The following CSMD1 variants were observed in gnomAD, a reference collection of about 807,000 sequenced individuals.
CSMD1 encodes the protein CUB and Sushi multiple domains 1, also known as CUB and sushi domain-containing protein 1.
In CSMD1, 213 loss-of-function variants were observed where a neutral mutation model predicts 417.5. The observed-to-expected ratio is 0.51, with a 90% confidence interval of 0.46 to 0.57. The LOEUF (loss-of-function observed/expected upper bound fraction) is 0.57, where lower values mean the gene tolerates loss of function less well. Ranked by LOEUF, CSMD1 falls within the 20% of genes least tolerant of loss-of-function variation. CSMD1 has a pLI of 0.00. For synonymous variants in CSMD1, 2,862 were observed against 1,736.8 expected (o/e 1.65, Z -16.11); for missense variants, 6,923 against 4,529.7 (o/e 1.53, Z -15.17).
intron 6 of CSMD1, among the ~76,000 whole-genome samples, chr8:3,751,370 AAATT>A (rs542281767): frequency 0.012 from 1,750 of 148,288 alleles, 34 homozygotes; most frequent in African/African-American, 0.04. Flanking sequence ...ATCTATATAT[AAATT>A]ATTTATATAT....
intron 2 of CSMD1, among the ~76,000 whole-genome samples, chr8:4,614,715 C>T (rs928921352): frequency 6.6e-6 from 1 of 152,066 alleles, no homozygotes; most frequent in African/African-American, 2.4e-5. Context: ...GGAACGAACA[C>T]TTCCTTAAAA....
At position 3,899,419 on chromosome 8, in the gene CSMD1, G is replaced by A. The variant is rs776411587; in HGVS notation, c.818+98484C>T. On this transcript the variant is annotated intron_variant, in intron 5 of 69. Coordinates refer to ENST00000635120, the MANE Select transcript of CSMD1 (RefSeq NM_033225.6). The stretch of plus-strand genomic sequence containing the variant: ...ATGGGTATGCTGATTACTTCAACAT[G>A]TTGGCCACAGGGATTGTACGTGGGG... Among the ~76,000 whole-genome samples, 5 of 152,200 alleles carry A rather than the reference G, an allele frequency of 3.3e-5. 1 individual carries two copies. The highest frequency in any genetic ancestry group is 6.5e-5 in the Admixed American group (1 of 15,276).
intron 1 of CSMD1, among the ~76,000 whole-genome samples, chr8:4,822,382 C>G (rs913730139): frequency 6.6e-6 from 1 of 151,988 alleles, no homozygotes; most frequent in East Asian, 1.9e-4. Context: ...TTTATTTGAC[C>G]TCAACTGGCC....
intron 1 of CSMD1, among the ~76,000 whole-genome samples, chr8:4,929,479 A>G (rs551471877): frequency 6.6e-6 from 1 of 152,330 alleles, no homozygotes; most frequent in African/African-American, 2.4e-5. Flanking sequence ...AGGGTCGTGA[A>G]AAATGAGATG....
At chr8:3,303,858 G>C (rs772546443) in intron 25 of CSMD1, among the ~76,000 whole-genome samples, 68 of 152,192 alleles carry the variant, frequency 4.5e-4, no homozygotes, top group Non-Finnish European at 6.8e-4. Flanking sequence ...ATTTGGCTCA[G>C]GTAACTGCTC....
intron 6 of CSMD1, among the ~76,000 whole-genome samples, chr8:3,731,976 C>G (rs1225629203): frequency 6.6e-6 from 1 of 152,136 alleles, no homozygotes; most frequent in Non-Finnish European, 1.5e-5. Context: ...CTGAACTCAG[C>G]AGATATTTAA....
At chr8:4,842,416 A>T (rs941185472) in intron 1 of CSMD1, among the ~76,000 whole-genome samples, 2 of 152,238 alleles carry the variant, frequency 1.3e-5, no homozygotes, top group Admixed American at 1.3e-4. Context: ...CTTCAAATGC[A>T]AGCCCAATTA....
At position 4,610,647 on chromosome 8, in the gene CSMD1, TA is replaced by T. The variant is rs1801119653; in HGVS notation, c.302+26694del. 3.3e-5 allele frequency among the ~76,000 whole-genome samples: 5 copies of T among 152,324 alleles called. No individual in the cohort carries two copies. The South Asian group carries it at 1.0e-3, about 32-fold the overall frequency. ...ACACTTAGAAATACCTGATTATAAA[TA>T]GTTGATTTAATTCATCCCATGAATT... On this transcript the variant is annotated intron_variant, in intron 2 of 69. Coordinates refer to ENST00000635120, the MANE Select transcript of CSMD1 (RefSeq NM_033225.6).
chr8:4,169,788 C>A (rs1333868562), intron 3 of CSMD1, among the ~76,000 whole-genome samples: 1 of 152,118 alleles, frequency 6.6e-6, no homozygotes, highest in Admixed American at 6.5e-5. Flanking sequence ...TACCGTTAAA[C>A]GTATCTTCCT....
chr8:4,051,115 G>A (rs576203287), intron 3 of CSMD1, among the ~76,000 whole-genome samples: 20 of 151,288 alleles, frequency 1.3e-4, no homozygotes, highest in Admixed American at 1.2e-3. Flanking sequence ...GGGAGAACCA[G>A]GAAAAAGAAA....
At chr8:3,282,349 G>C (rs62503360) in intron 26 of CSMD1, among the ~76,000 whole-genome samples, 39,621 of 151,678 alleles carry the variant, frequency 0.26, 5,895 homozygotes, top group East Asian at 0.41. Flanking sequence ...CAATCTTACT[G>C]CCAGTGCAAA....
chr8:4,261,857 C>A (rs1312429289), intron 3 of CSMD1, among the ~76,000 whole-genome samples: 5 of 151,712 alleles, frequency 3.3e-5, no homozygotes, highest in Admixed American at 3.3e-4. Context: ...TTCATTATAC[C>A]CTAATGAAAC....
rs183631385 is a variant in CSMD1 at position 3,646,013 on chromosome 8, G to C, written c.1010-29216C>G. Among the ~76,000 whole-genome samples, 281 of 150,988 alleles carry C rather than the reference G, an allele frequency of 1.9e-3. 2 individuals carry two copies. The highest frequency in any genetic ancestry group is 6.6e-3 in the African/African-American group (273 of 41,094). ...TGTATTTATCGCAATTTCTGTTATAGCATTAACAAAAACTAGAAATATTCT... is the reference window on the plus strand; with the variant it reads ...TGTATTTATCGCAATTTCTGTTATACCATTAACAAAAACTAGAAATATTCT... On this transcript the variant is annotated intron_variant, in intron 7 of 69. Coordinates refer to ENST00000635120, the MANE Select transcript of CSMD1 (RefSeq NM_033225.6).
chr8:4,725,261 T>C (rs1563226684), intron 1 of CSMD1, among the ~76,000 whole-genome samples: 1 of 152,174 alleles, frequency 6.6e-6, no homozygotes, highest in Non-Finnish European at 1.5e-5. Context: ...TCGAACTTCA[T>C]TGGTACATGA....
intron 3 of CSMD1, among the ~76,000 whole-genome samples, chr8:4,385,539 A>T (rs769878084): frequency 6.6e-5 from 10 of 152,108 alleles, no homozygotes; most frequent in Non-Finnish European, 8.8e-5. Context: ...ATCTCCTTTC[A>T]TTTTTTTGGA....
At chr8:3,800,134 T>C (rs1164321742) in intron 5 of CSMD1, among the ~76,000 whole-genome samples, 1 of 152,106 alleles carries the variant, frequency 6.6e-6, no homozygotes, top group Non-Finnish European at 1.5e-5. Flanking sequence ...TTATATTGTG[T>C]ATGAGTTGTT....
At chr8:4,019,728 G>A (rs986549003) in intron 4 of CSMD1, among the ~76,000 whole-genome samples, 5 of 152,100 alleles carry the variant, frequency 3.3e-5, no homozygotes, top group African/African-American at 1.2e-4. Context: ...GGGTATGAAT[G>A]TGCCTGTTGT....
chr8:3,912,435 G>C (rs80306427), intron 5 of CSMD1, among the ~76,000 whole-genome samples: 10 of 152,198 alleles, frequency 6.6e-5, no homozygotes, highest in Admixed American at 5.2e-4. Flanking sequence ...TCTACTTAGA[G>C]TAGACCAGGG....
intron 8 of CSMD1, among the ~76,000 whole-genome samples, chr8:3,611,677 G>A (rs1584959321): frequency 6.6e-6 from 1 of 152,028 alleles, no homozygotes; most frequent in East Asian, 1.9e-4. Flanking sequence ...GTTTTTCAAT[G>A]CTTTCAGATC....
Sources: gnomAD v4.1 joint callset for allele counts (sites outside exome capture counted in the v4.1 genomes callset) on GRCh38, gnomAD v4.1.1 for gene constraint, MANE v1.5 for transcripts, NCBI Gene and HGNC (gene_info 2026-07-23, HGNC 2026-07-21) for gene names.